The following GPR63 variants were observed in gnomAD, a reference collection of about 807,000 sequenced individuals.
GPR63 encodes probable G protein-coupled receptor 63.
A neutral mutation model predicts 23.1 loss-of-function variants in GPR63; 12 were observed. That is an observed-to-expected ratio of 0.52 (90% CI 0.33 to 0.84). GPR63 has a LOEUF of 0.84. Ranked by LOEUF, GPR63 falls within the 40% of genes least tolerant of loss-of-function variation. GPR63 has a pLI of 0.02. For synonymous variants in GPR63, 172 were observed against 191.1 expected (o/e 0.90, Z 0.82); for missense variants, 472 against 515.6 (o/e 0.92, Z 0.82).
At chr6:96,837,057 G>A (rs1176622852) in intron 1 of GPR63, among the ~76,000 whole-genome samples, 3 of 152,152 alleles carry the variant, frequency 2.0e-5, no homozygotes, top group Non-Finnish European at 4.4e-5. Context: ...GTGTGGCGCC[G>A]ACCGAAATAA....
chr6:96,810,159 CA>C (rs1774004409), intron 1 of GPR63, among the ~76,000 whole-genome samples: 1 of 152,108 alleles, frequency 6.6e-6, no homozygotes, highest in South Asian at 2.1e-4. Context: ...CATTACTTCA[CA>C]GTGAAAAACT....
At chr6:96,833,999 C>T (rs1690334825) in intron 1 of GPR63, among the ~76,000 whole-genome samples, 1 of 152,260 alleles carries the variant, frequency 6.6e-6, no homozygotes, top group Admixed American at 6.5e-5. Flanking sequence ...ACTTTTCTAA[C>T]TCTTCATTAT....
At chr6:96,832,091 A>G (rs9487277) in intron 1 of GPR63, among the ~76,000 whole-genome samples, 12,078 of 152,050 alleles carry the variant, frequency 0.079, 832 homozygotes, top group African/African-American at 0.19. Flanking sequence ...TCATCTTTAC[A>G]CGAAATTACA....
In GPR63 at chr6:96,796,736, C is replaced by A. The variant is rs213843; in HGVS notation, c.*1736G>T. On this transcript the variant is annotated 3_prime_UTR_variant, in exon 2 of 2. Coordinates refer to ENST00000229955, the MANE Select transcript of GPR63 (RefSeq NM_030784.4). ...AATACTATTCTGCCCAGAACACTTA[C>A]AACTAACACAGATGGACAACTGGAA... 1.3e-5 allele frequency: 2 copies of A among 152,074 alleles called. No homozygotes were observed. The highest frequency in any genetic ancestry group is 2.9e-5 in the Non-Finnish European group (2 of 68,032). The allele number at this position is 152,074 out of a possible 1,614,324, so 9.4% of individuals were successfully genotyped here.
At chr6:96,808,124 A>G (rs1773945414) in intron 1 of GPR63, among the ~76,000 whole-genome samples, 1 of 152,218 alleles carries the variant, frequency 6.6e-6, no homozygotes, top group African/African-American at 2.4e-5. Flanking sequence ...GCTAAATTTA[A>G]AAAGCAATTA....
rs2127941356 is a variant in GPR63 at position 96,799,156 on chromosome 6, T to C, written c.576A>G (p.Pro192=). 5 of 1,614,152 alleles carry C rather than the reference T, an allele frequency of 3.1e-6. No homozygotes were observed. The highest frequency in any genetic ancestry group is 1.3e-5 in the African/African-American group (1 of 75,016). ...IIVQRQDKLN[P]YRAKVLIAVS... Reference sequence around the variant, plus strand: ...CTGCAATCAGAACCTTAGCTCTATATGGGTTTAGCTTATCCTGCCTCTGGA... The same window carrying C: ...CTGCAATCAGAACCTTAGCTCTATACGGGTTTAGCTTATCCTGCCTCTGGA... The change falls in exon 2 of 2, where the codon CCA becomes CCG. Residue 192 remains proline (P), a synonymous_variant. Transcript: ENST00000229955.
chr6:96,823,299 T>C (rs1341100740), intron 1 of GPR63, among the ~76,000 whole-genome samples: 2 of 152,156 alleles, frequency 1.3e-5, no homozygotes, highest in East Asian at 1.9e-4. Context: ...CCATGTGTTA[T>C]TGCCCCTGAA....
At chr6:96,833,831 A>G (rs939647723) in intron 1 of GPR63, among the ~76,000 whole-genome samples, 4 of 136,748 alleles carry the variant, frequency 2.9e-5, no homozygotes, top group Non-Finnish European at 6.3e-5. Flanking sequence ...GTTTTTCTAA[A>G]TTGTATCTGG....
chr6:96,830,425 TTTTA>T (rs1353048476), intron 1 of GPR63, among the ~76,000 whole-genome samples: 1 of 152,188 alleles, frequency 6.6e-6, no homozygotes, highest in African/African-American at 2.4e-5. Context: ...ATATAGTTCC[TTTTA>T]TTTGAGATAG....
intron 1 of GPR63, among the ~76,000 whole-genome samples, chr6:96,834,661 G>GA (rs746560483): frequency 3.9e-4 from 58 of 149,564 alleles, no homozygotes; most frequent in African/African-American, 1.2e-3. Context: ...GCAAATTAAA[G>GA]AAAAAAAAAC....
At chr6:96,803,693 A>G (rs1157837093) in intron 1 of GPR63, among the ~76,000 whole-genome samples, 6 of 152,192 alleles carry the variant, frequency 3.9e-5, no homozygotes, top group Admixed American at 3.3e-4. Flanking sequence ...TCCTCTAAGC[A>G]TTTCTCATCA....
chr6:96,828,699 A>C (rs1363239091), intron 1 of GPR63, among the ~76,000 whole-genome samples: 1 of 152,104 alleles, frequency 6.6e-6, no homozygotes, highest in Non-Finnish European at 1.5e-5. Context: ...CTTCATTCTA[A>C]ATATAAAGAG....
chr6:96,809,767 T>C (rs1237139849), intron 1 of GPR63, among the ~76,000 whole-genome samples: 1 of 152,214 alleles, frequency 6.6e-6, no homozygotes, highest in Non-Finnish European at 1.5e-5. Context: ...ATCTGGGTAA[T>C]AGTCTTGGCC....
In GPR63 at chr6:96,802,540, A is replaced by ATTTTT. The variant is rs34928062; in HGVS notation, c.-150-2664_-150-2660dup. Among the ~76,000 whole-genome samples the ATTTTT allele has an allele frequency of 4.4e-5, 6 of 136,394 alleles. No individual in the cohort carries two copies. In the East Asian group the frequency reaches 6.4e-4, roughly 15 times the overall value. The allele number at this position is 136,394 out of a possible 152,430, so 89.5% of individuals were successfully genotyped here. A position where few individuals can be genotyped will look rare whatever the true frequency, so the allele number is the denominator to read the frequency against. Reference sequence around the variant, plus strand: ...ATCAGTAGATAAAAAATTTTTTCTAATTTTTTTTTTTTTTTTTGAGACAGA... The same window carrying ATTTTT: ...ATCAGTAGATAAAAAATTTTTTCTAATTTTTTTTTTTTTTTTTTTTTTGAGACAGA... On this transcript the variant is annotated intron_variant, in intron 1 of 1. Coordinates refer to ENST00000229955, the MANE Select transcript of GPR63 (RefSeq NM_030784.4).
rs1434441286 is a variant in GPR63, at chr6:96,819,585, AATGGG to A, written c.-151+17678_-151+17682del. ...TAATGCATGCAGGGCTTAAAACCTA[AATGGG>A]GGTTGATAGGAGCAGCAAACCACCA... On this transcript the variant is annotated intron_variant, in intron 1 of 1. Coordinates refer to ENST00000229955, the MANE Select transcript of GPR63 (RefSeq NM_030784.4). Among the ~76,000 whole-genome samples, 3 of 151,944 alleles carry A rather than the reference AATGGG, an allele frequency of 2.0e-5. No homozygotes were observed. In the East Asian group the frequency reaches 5.8e-4, roughly 29 times the overall value.
rs1773641807 is a variant in GPR63 at position 96,798,177 on chromosome 6, A to C, written c.*295T>G. The stretch of plus-strand genomic sequence containing the variant: ...TGTAACTGCAGGCTCAATAAAGCAC[A>C]ATCCTGATTCCCACTATGAAAACAA... On this transcript the variant is annotated 3_prime_UTR_variant, in exon 2 of 2. Transcript: ENST00000229955. 1 of 306,894 alleles carries C rather than the reference A, an allele frequency of 3.3e-6. No individual in the cohort carries two copies. The highest frequency in any genetic ancestry group is 6.0e-6 in the Non-Finnish European group (1 of 166,406). The allele number at this position is 306,894 out of a possible 1,614,324, so 19.0% of individuals were successfully genotyped here. A position where few individuals can be genotyped will look rare whatever the true frequency, so the allele number is the denominator to read the frequency against.
intron 1 of GPR63, among the ~76,000 whole-genome samples, chr6:96,830,835 A>G (rs778887433): frequency 3.0e-4 from 45 of 152,188 alleles, no homozygotes; most frequent in Non-Finnish European, 1.2e-4. Flanking sequence ...TTATAGTTCT[A>G]GTTTTGTTAC....
intron 1 of GPR63, among the ~76,000 whole-genome samples, chr6:96,824,530 A>G (rs6901358): frequency 0.08 from 12,046 of 151,368 alleles, 824 homozygotes; most frequent in African/African-American, 0.19. Context: ...TTCTAAATTC[A>G]AAGTACTGCA....
At chr6:96,832,291 G>A (rs541180581) in intron 1 of GPR63, among the ~76,000 whole-genome samples, 16 of 151,970 alleles carry the variant, frequency 1.1e-4, no homozygotes, top group African/African-American at 3.9e-4. Flanking sequence ...TGAAGACAGG[G>A]TCTTTCTCTG....
Sources: allele counts gnomAD v4.1 joint callset (sites outside exome capture counted in the v4.1 genomes callset), GRCh38; gene constraint gnomAD v4.1.1; transcripts MANE v1.5; gene names NCBI Gene and HGNC (gene_info 2026-07-23, HGNC 2026-07-21).